ELF2: variants seen among roughly 807,000 people sequenced by gnomAD.
ELF2 encodes the protein ETS-related transcription factor Elf-2.
ELF2 carries 11 observed loss-of-function variants against 54.8 expected under a neutral mutation model. The ratio of observed to expected loss-of-function variants is 0.20; its 90% CI spans 0.13 to 0.33. ELF2 has a LOEUF of 0.33. Ranked by LOEUF, ELF2 falls within the 10% of genes least tolerant of loss-of-function variation. The pLI is 1.00. For synonymous variants in ELF2, 203 were observed against 245.1 expected, an observed-to-expected ratio of 0.83 and a Z score of 1.61; for missense variants, 513 against 703.0, an observed-to-expected ratio of 0.73 and a Z score of 3.06.
intron 1 of ELF2, among the ~76,000 whole-genome samples, chr4:139,165,677 T>C (rs1741645500): frequency 6.6e-6 from 1 of 151,912 alleles, no homozygotes; most frequent in Non-Finnish European, 1.5e-5. Context: ...AAATAAAAAA[T>C]AAATAAGTCT....
At chr4:139,164,178 AAG>A (rs1382362184) in intron 1 of ELF2, among the ~76,000 whole-genome samples, 5 of 145,100 alleles carry the variant, frequency 3.4e-5, no homozygotes, top group East Asian at 2.2e-4. Flanking sequence ...GAAAGAAAGA[AAG>A]AGAGGGAGAT....
At chr4:139,106,386 G>GA (rs566266716) in intron 4 of ELF2, among the ~76,000 whole-genome samples, 1 of 151,546 alleles carries the variant, frequency 6.6e-6, no homozygotes, top group African/African-American at 2.4e-5. Context: ...AAAGGATGAT[G>GA]AAAAAAAAGG....
chr4:139,098,100 G>T (rs550678027), intron 4 of ELF2, among the ~76,000 whole-genome samples: 21 of 152,190 alleles, frequency 1.4e-4, no homozygotes, highest in Non-Finnish European at 2.4e-4. Context: ...AAATGTTTAA[G>T]TTTCTATTAG....
intron 3 of ELF2, among the ~76,000 whole-genome samples, chr4:139,128,429 C>CA (rs1737154997): frequency 6.6e-6 from 1 of 151,686 alleles, no homozygotes; most frequent in African/African-American, 2.4e-5. Context: ...ATACATTTCT[C>CA]AAAAAAATAG....
intron 4 of ELF2, among the ~76,000 whole-genome samples, chr4:139,098,213 A>T (rs562526666): frequency 2.0e-5 from 3 of 152,144 alleles, no homozygotes; most frequent in Non-Finnish European, 4.4e-5. Flanking sequence ...GCTTTTTTAC[A>T]CTTTGACAAA....
chr4:139,116,101 C>T (rs139572035), intron 4 of ELF2, among the ~76,000 whole-genome samples: 1 of 152,210 alleles, frequency 6.6e-6, no homozygotes, highest in Non-Finnish European at 1.5e-5. Context: ...GCTGGGATTA[C>T]AGGCTTGAGC....
chr4:139,076,033 G>A (rs1046408716), intron 4 of ELF2, among the ~76,000 whole-genome samples: 9 of 152,158 alleles, frequency 5.9e-5, no homozygotes, highest in Middle Eastern at 3.4e-3. Flanking sequence ...ATTGTTTCCA[G>A]GAAACTTTTA....
chr4:139,073,617 C>T (rs780645107), intron 4 of ELF2, 50 bp from the exon 5 acceptor site: 1 of 1,035,984 alleles, frequency 9.7e-7, no homozygotes, highest in East Asian at 2.7e-5. Context: ...AAACACATGA[C>T]TAAAACATAT....
At chr4:139,172,319 T>C (rs1311330777) in intron 1 of ELF2, among the ~76,000 whole-genome samples, 11 of 152,204 alleles carry the variant, frequency 7.2e-5, no homozygotes, top group Admixed American at 7.2e-4. Flanking sequence ...GGTCTGAAAA[T>C]GATAAATGGA....
At chr4:139,114,017 G>A (rs1362244903) in intron 4 of ELF2, among the ~76,000 whole-genome samples, 3 of 151,636 alleles carry the variant, frequency 2.0e-5, no homozygotes, top group African/African-American at 4.9e-5. Context: ...CTATTTTAAC[G>A]AGCCCTTAAA....
intron 4 of ELF2, chr4:139,100,620 T>C (rs777823312): frequency 6.6e-6 from 1 of 152,220 alleles, no homozygotes; most frequent in Non-Finnish European, 1.5e-5. Context: ...GCATAACCAC[T>C]GTACTCCAGC....
chr4:139,157,417 T>A (rs1409152872), intron 1 of ELF2, among the ~76,000 whole-genome samples: 3 of 152,072 alleles, frequency 2.0e-5, no homozygotes, highest in Non-Finnish European at 4.4e-5. Context: ...TTTTTTTTTT[T>A]TATACTGGGT....
chr4:139,118,184 T>C (rs1193610463), intron 4 of ELF2, among the ~76,000 whole-genome samples: 2 of 152,146 alleles, frequency 1.3e-5, no homozygotes, highest in Non-Finnish European at 1.5e-5. Context: ...TCAAGGTGCT[T>C]ATACACTCAC....
chr4:139,133,065 G>C (rs1392583609), intron 3 of ELF2, among the ~76,000 whole-genome samples: 1 of 151,644 alleles, frequency 6.6e-6, no homozygotes, highest in African/African-American at 2.4e-5. Context: ...GGGACTACAG[G>C]CACCCGCCAC....
Position 139,059,288 on chromosome 4 carries a change from C to T in ELF2, c.1477G>A (p.Val493Met), listed in dbSNP as rs778184124. Residue 493 changes from valine (V) to methionine (M), a missense_variant, in exon 10 of 10, where the codon GTG (valine) becomes ATG (methionine). Coordinates refer to ENST00000686138, the MANE Select transcript of ELF2 (RefSeq NM_001331036.3). ...ATTGAAACAGGGGTAAGTGCTCTCA[C>T]AGCCAATGGGGTTCCAACAATGTTA... The part of the protein sequence containing the change: ...SINIVGTPLA[V>M]RALTPVSIAH... 21 of 1,613,912 alleles carry T rather than the reference C, an allele frequency of 1.3e-5. No individual in the cohort carries two copies. Among genetic ancestry groups the T allele is most frequent in the Non-Finnish European group, 1.8e-5 (21 of 1,179,866 alleles).
chr4:139,114,950 T>C, intron 4 of ELF2: 9 of 1,613,462 alleles, frequency 5.6e-6, no homozygotes, highest in Non-Finnish European at 5.1e-6. Flanking sequence ...TGGGGTGTGC[T>C]CAGCTTCTGC....
chr4:139,176,295 A>G (rs1742910446), intron 1 of ELF2, among the ~76,000 whole-genome samples: 1 of 152,200 alleles, frequency 6.6e-6, no homozygotes. Context: ...AGCGAGAATA[A>G]AAGAACTGCC....
intron 4 of ELF2, among the ~76,000 whole-genome samples, chr4:139,120,669 T>C (rs1485221594): frequency 1.3e-5 from 2 of 152,068 alleles, no homozygotes; most frequent in Non-Finnish European, 2.9e-5. Flanking sequence ...CTTGAATTCC[T>C]GGCCTCAAGA....
At chr4:139,150,496 G>A (rs1016661076) in intron 1 of ELF2, among the ~76,000 whole-genome samples, 14 of 147,760 alleles carry the variant, frequency 9.5e-5, no homozygotes, top group Non-Finnish European at 1.5e-4. Flanking sequence ...TCCTCCCTGG[G>A]TGACAGAGTG....
Sources: gnomAD v4.1 joint callset for allele counts (sites outside exome capture counted in the v4.1 genomes callset) on GRCh38, gnomAD v4.1.1 for gene constraint, MANE v1.5 for transcripts, NCBI Gene and HGNC (gene_info 2026-07-23, HGNC 2026-07-21) for gene names.